MAEA: variants seen among roughly 807,000 people sequenced by gnomAD.
The protein encoded by MAEA is E3 ubiquitin-protein transferase MAEA.
In MAEA, 22 loss-of-function variants were observed where a neutral mutation model predicts 46.2. The observed-to-expected ratio is 0.48, with a 90% confidence interval of 0.34 to 0.68. The LOEUF (loss-of-function observed/expected upper bound fraction) is 0.68, where lower values mean the gene tolerates loss of function less well. MAEA is among the 30% of genes least tolerant of loss of function. The pLI is 0.01. For missense variants in MAEA, 393 were observed against 558.1 expected (o/e 0.70, Z 2.98); for synonymous variants, 246 against 222.6 (o/e 1.11, Z -0.94).
At chr4:1,333,180 A>G (rs1040601628) in intron 6 of MAEA, among the ~76,000 whole-genome samples, 1 of 151,814 alleles carries the variant, frequency 6.6e-6, no homozygotes, top group Non-Finnish European at 1.5e-5. Flanking sequence ...TACAAAAAAA[A>G]TTTTTTTGAA....
chr4:1,327,786 G>A, intron 5 of MAEA, 83 bp downstream of exon 5: 1 of 1,280,134 alleles, frequency 7.8e-7, no homozygotes, highest in African/African-American at 1.5e-5. Flanking sequence ...GTCGTGGTCT[G>A]GGTCCTGGGA....
intron 1 of MAEA, among the ~76,000 whole-genome samples, chr4:1,295,260 G>A (rs547164834): frequency 1.3e-5 from 2 of 152,246 alleles, no homozygotes; most frequent in South Asian, 4.1e-4. Flanking sequence ...ACTTCCTGCC[G>A]GGGTAACTGC....
At chr4:1,316,783 A>C (rs1435838734) in intron 3 of MAEA, among the ~76,000 whole-genome samples, 1 of 152,042 alleles carries the variant, frequency 6.6e-6, no homozygotes, top group East Asian at 1.9e-4. Flanking sequence ...CACATTGTGC[A>C]GTCCAAGGCC....
At position 1,332,851 on chromosome 4, in the gene MAEA, A is replaced by G. The variant is rs1712024791; in HGVS notation, c.751A>G (p.Ile251Val). The G allele has an allele frequency of 1.2e-6, 2 of 1,612,486 alleles. No homozygotes were observed. The highest frequency in any genetic ancestry group is 3.3e-5 in the Admixed American group (2 of 59,924). ...GMLAFPPDTH[I>V]SPYKDLLDPA... ...GCTGGCCTTCCCGCCCGACACGCAC[A>G]TCTCCCCGTACAAGGTAGGGCGTGC... Residue 251 changes from isoleucine to valine, a missense_variant, in exon 6 of 9, where the codon ATC becomes GTC. Transcript: ENST00000303400.
intron 3 of MAEA, among the ~76,000 whole-genome samples, chr4:1,317,286 T>C (rs13123689): frequency 0.039 from 1,322 of 33,822 alleles, 2 homozygotes; most frequent in Non-Finnish European, 0.069. Flanking sequence ...CAGACTCACC[T>C]GCAGGCCCAC....
chr4:1,310,888 T>C (rs954614691), intron 1 of MAEA, among the ~76,000 whole-genome samples: 1 of 152,200 alleles, frequency 6.6e-6, no homozygotes, highest in Non-Finnish European at 1.5e-5. Flanking sequence ...CTGAGGCCAG[T>C]CCTGTCTCTG....
chr4:1,329,663 G>C, intron 5 of MAEA: 1 of 985,578 alleles, frequency 1.0e-6, no homozygotes, highest in Non-Finnish European at 1.2e-6. Context: ...GCTCAGCGTG[G>C]CCCTGGAGCC....
intron 3 of MAEA, among the ~76,000 whole-genome samples, chr4:1,316,208 C>A (rs774259381): frequency 6.6e-6 from 1 of 152,186 alleles, no homozygotes; most frequent in Non-Finnish European, 1.5e-5. Flanking sequence ...TGTAGAAACA[C>A]GTGGCACCCT....
intron 1 of MAEA, among the ~76,000 whole-genome samples, chr4:1,291,145 CTTTATTAACTAGCGG>C (rs1734068984): frequency 6.6e-6 from 1 of 152,176 alleles, no homozygotes; most frequent in Non-Finnish European, 1.5e-5. Context: ...TTCTCCTCCT[CTTTATTAACTAGCGG>C]TTTATTTCAT....
At chr4:1,317,858 C>T (rs1305638360) in intron 3 of MAEA, among the ~76,000 whole-genome samples, 1 of 152,214 alleles carries the variant, frequency 6.6e-6, no homozygotes, top group African/African-American at 2.4e-5. Context: ...TCATGACTCG[C>T]AGCCACTCCA....
intron 4 of MAEA, among the ~76,000 whole-genome samples, chr4:1,325,697 A>G (rs1304175880): frequency 6.6e-6 from 1 of 151,302 alleles, no homozygotes. Context: ...GGGAGCCTCT[A>G]TCTCTTCCCG....
At position 1,315,393 on chromosome 4, in the gene MAEA, T is replaced by C; in HGVS notation, c.253-4T>C. 6.2e-7 allele frequency: 1 copy of C among 1,613,652 alleles called. No individual in the cohort carries two copies. Among genetic ancestry groups the C allele is most frequent in the Non-Finnish European group, 8.5e-7 (1 of 1,179,854 alleles). On this transcript the variant is annotated splice_region_variant and splice_polypyrimidine_tract_variant and intron_variant, in intron 2 of 8. Coordinates refer to ENST00000303400, the MANE Select transcript of MAEA (RefSeq NM_001017405.3). ...TGAACGTGCCTCTGTTGTGTGTGGC[T>C]CAGGCGGTGGAATCCATCCAGGCCG...
intron 1 of MAEA, among the ~76,000 whole-genome samples, chr4:1,305,760 TGC>T (rs1401771401): frequency 2.9e-5 from 2 of 69,270 alleles, no homozygotes; most frequent in African/African-American, 6.4e-5. Context: ...TGCGTGCACG[TGC>T]GCACGCGTGC....
chr4:1,338,971 A>G, intron 8 of MAEA, 103 bp from the exon 9 acceptor site: 1 of 971,432 alleles, frequency 1.0e-6, no homozygotes, highest in Non-Finnish European at 1.6e-6. Context: ...TTTGCCTGAG[A>G]GGATGAGTCA....
In MAEA at chr4:1,339,112, C is replaced by T. The variant is rs775317803; in HGVS notation, c.1134C>T (p.Cys378=). The T allele has an allele frequency of 1.9e-6, 3 of 1,613,950 alleles. No homozygotes were observed. In the Admixed American group the frequency reaches 5.0e-5, roughly 27 times the overall value. ...LSIRQDDKVV[C]PRTKEVFHFS... The stretch of plus-strand genomic sequence containing the variant: ...TCCGTCAAGATGATAAAGTCGTGTG[C>T]CCGAGAACCAAAGAAGTCTTCCACT... Residue 378 remains cysteine (C), a synonymous_variant, in exon 9 of 9, where the codon TGC becomes TGT. Transcript: ENST00000303400.
At chr4:1,302,510 CTG>C (rs1735412906) in intron 1 of MAEA, among the ~76,000 whole-genome samples, 1 of 152,246 alleles carries the variant, frequency 6.6e-6, no homozygotes, top group Non-Finnish European at 1.5e-5. Flanking sequence ...GATTCTCACT[CTG>C]TCACCAGGCT....
At chr4:1,337,019 C>T (rs370894165) in intron 7 of MAEA, 25 bp downstream of exon 7, 114 of 1,611,042 alleles carry the variant, frequency 7.1e-5, no homozygotes, top group East Asian at 1.1e-4. Flanking sequence ...GTGCGCAGTG[C>T]GGTTTGGCCT....
At chr4:1,309,277 T>G (rs1486984026) in intron 1 of MAEA, among the ~76,000 whole-genome samples, 2 of 151,958 alleles carry the variant, frequency 1.3e-5, no homozygotes, top group African/African-American at 4.8e-5. Flanking sequence ...CGAGTTAGAG[T>G]CTTTAGCATT....
chr4:1,302,924 G>T (rs912965031), intron 1 of MAEA, among the ~76,000 whole-genome samples: 2 of 152,172 alleles, frequency 1.3e-5, no homozygotes, highest in African/African-American at 4.8e-5. Flanking sequence ...CAGAAGGGCT[G>T]TAGCAAAAAC....
Sources: allele counts gnomAD v4.1 joint callset (sites outside exome capture counted in the v4.1 genomes callset), GRCh38; gene constraint gnomAD v4.1.1; transcripts MANE v1.5; gene names NCBI Gene and HGNC (gene_info 2026-07-23, HGNC 2026-07-21).